The following ADAMTS2 variants were observed in gnomAD, a reference collection of about 807,000 sequenced individuals.
The protein encoded by ADAMTS2 is A disintegrin and metalloproteinase with thrombospondin motifs 2.
ADAMTS2 carries 50 observed loss-of-function variants against 123.0 expected under a neutral mutation model. The ratio of observed to expected loss-of-function variants is 0.41; its 90% CI spans 0.32 to 0.51. The LOEUF (loss-of-function observed/expected upper bound fraction) is 0.51. Among genes scored for constraint, ADAMTS2 ranks in the 20% least tolerant of loss-of-function variants. The pLI is 0.35. For synonymous variants in ADAMTS2, 678 were observed against 695.4 expected (o/e 0.98, Z 0.39); for missense variants, 1,494 against 1,705.2 (o/e 0.88, Z 2.18).
rs899394488 is a variant in ADAMTS2 at position 179,111,249 on chromosome 5, G to A, written c.*2618C>T. 3 of 152,324 alleles carry A rather than the reference G, an allele frequency of 2.0e-5. No individual in the cohort carries two copies. The highest frequency in any genetic ancestry group is 3.4e-3 in the Middle Eastern group (1 of 294). The allele number at this position is 152,324 out of a possible 1,614,324, so 9.4% of individuals were successfully genotyped here. A position where few individuals can be genotyped will look rare whatever the true frequency, so the allele number is the denominator to read the frequency against. On this transcript the variant is annotated 3_prime_UTR_variant, in exon 22 of 22. Coordinates refer to ENST00000251582, the MANE Select transcript of ADAMTS2 (RefSeq NM_014244.5). ...ACTGTTGCAGATTTTCTAGTGCAGC[G>A]GAAGGTCTGAGTCTCATCATGCGGT...
chr5:179,328,253 C>T (rs1361626117), intron 2 of ADAMTS2, among the ~76,000 whole-genome samples: 3 of 152,182 alleles, frequency 2.0e-5, no homozygotes, highest in Non-Finnish European at 2.9e-5. Flanking sequence ...AGGATGGTCT[C>T]GATTTCCTGA....
chr5:179,345,172 G>C lies in ADAMTS2; in HGVS notation c.139+18C>G, dbSNP rs2127463832. 2 of 1,097,574 alleles carry C rather than the reference G, an allele frequency of 1.8e-6. No individual in the cohort carries two copies. The highest frequency in any genetic ancestry group is 3.3e-5 in the African/African-American group (2 of 59,818). The allele number at this position is 1,097,574 out of a possible 1,614,324, so 68.0% of individuals were successfully genotyped here. ...GGCCGGCGGGGGTCCCGGGGAGTAG[G>C]GGCCGGGCCGCACCTACCTGGGGGG... On this transcript the variant is annotated intron_variant, in intron 1 of 21. Coordinates refer to ENST00000251582, the MANE Select transcript of ADAMTS2 (RefSeq NM_014244.5). This position sits in a 1 kb window ranked among gnomAD's most constrained non-coding sequence, Gnocchi z 7.5.
At chr5:179,296,658 C>T (rs1756343699) in intron 2 of ADAMTS2, among the ~76,000 whole-genome samples, 2 of 151,996 alleles carry the variant, frequency 1.3e-5, no homozygotes, top group African/African-American at 4.8e-5. Context: ...CCAGGGGCGG[C>T]CTGGGCAGAG....
In ADAMTS2 at chr5:179,314,064, G is replaced by A. The variant is rs576957283; in HGVS notation, c.534+29703C>T. Among the ~76,000 whole-genome samples the A allele has an allele frequency of 1.2e-3, 184 of 152,194 alleles. 3 individuals carry two copies. In the South Asian group the frequency reaches 0.016, roughly 13 times the overall value. On this transcript the variant is annotated intron_variant, in intron 2 of 21. Transcript: ENST00000251582. This position sits in a 1 kb window ranked among gnomAD's most constrained non-coding sequence, Gnocchi z 4.5. The stretch of plus-strand genomic sequence containing the variant: ...CAGGCAGAACCTGATGGTGGGGCGG[G>A]GGGGTTCCTCACACACCCCACACCC...
In ADAMTS2 at chr5:179,116,731, T is replaced by TAGC. The variant is rs1301872784; in HGVS notation, c.3179-2408_3179-2407insGCT. ...AAATTTTGAATCTGAAAATGGCAAT[T>TAGC]TCCAGGCAAGAAGAATGCAGGGAGG... On this transcript the variant is annotated intron_variant, in intron 21 of 21. Coordinates refer to ENST00000251582, the MANE Select transcript of ADAMTS2 (RefSeq NM_014244.5). 8.4e-3 allele frequency among the ~76,000 whole-genome samples: 1,274 copies of TAGC among 152,260 alleles called. 14 individuals are homozygous for TAGC. Among genetic ancestry groups the TAGC allele is most frequent in the African/African-American group, 0.029 (1,208 of 41,554 alleles).
At chr5:179,141,308 TAATC>T (rs1371424390) in intron 10 of ADAMTS2, among the ~76,000 whole-genome samples, 1 of 152,214 alleles carries the variant, frequency 6.6e-6, no homozygotes, top group African/African-American at 2.4e-5. Flanking sequence ...CTGTTGCAAT[TAATC>T]AATTCTGCCA....
intron 2 of ADAMTS2, among the ~76,000 whole-genome samples, chr5:179,328,795 A>C (rs1443928394): frequency 6.6e-6 from 1 of 152,214 alleles, no homozygotes; most frequent in Non-Finnish European, 1.5e-5. Flanking sequence ...TCTCTTAGTA[A>C]TAAACCTACT....
chr5:179,256,356 C>T lies in ADAMTS2; in HGVS notation c.688+16555G>A, dbSNP rs1317670465. Among the ~76,000 whole-genome samples the T allele has an allele frequency of 6.6e-6, 1 of 152,160 alleles. No individual in the cohort carries two copies. Among genetic ancestry groups the T allele is most frequent in the East Asian group, 1.9e-4 (1 of 5,188 alleles). On this transcript the variant is annotated intron_variant, in intron 3 of 21. Transcript: ENST00000251582. This position sits in a 1 kb window ranked among gnomAD's most constrained non-coding sequence, Gnocchi z 4.1. ...CCATGGAGCTTTGGGCCTGAGGCCT[C>T]AGCTGAGGCCAAGGCAGCAGGACTC...
chr5:179,204,041 C>CTGCA (rs1184794278), intron 4 of ADAMTS2, among the ~76,000 whole-genome samples: 1 of 152,238 alleles, frequency 6.6e-6, no homozygotes, highest in Non-Finnish European at 1.5e-5. Flanking sequence ...CTTACACATG[C>CTGCA]TGCAATGTGG....
At chr5:179,318,167 ACT>A (rs1159419926) in intron 2 of ADAMTS2, among the ~76,000 whole-genome samples, 1 of 151,984 alleles carries the variant, frequency 6.6e-6, no homozygotes, top group Non-Finnish European at 1.5e-5. Flanking sequence ...TCTCATGGAG[ACT>A]CTGAGCTGAG....
chr5:179,190,766 C>T (rs967583617), intron 4 of ADAMTS2, among the ~76,000 whole-genome samples: 6 of 152,256 alleles, frequency 3.9e-5, no homozygotes, highest in African/African-American at 1.4e-4. Context: ...GAGGGTCCAA[C>T]AGCCCAAGCT....
At chr5:179,302,639 C>T (rs1002378266) in intron 2 of ADAMTS2, among the ~76,000 whole-genome samples, 1 of 151,474 alleles carries the variant, frequency 6.6e-6, no homozygotes, top group African/African-American at 2.4e-5. Flanking sequence ...TGCTATCTCC[C>T]GGGGGGGCAA....
chr5:179,259,257 A>G (rs993419388), intron 3 of ADAMTS2, among the ~76,000 whole-genome samples: 6 of 150,892 alleles, frequency 4.0e-5, no homozygotes, highest in Non-Finnish European at 7.4e-5. Context: ...TGCAACCCAC[A>G]CTCCAGGCCT....
chr5:179,292,839 C>G (rs1164427661), intron 2 of ADAMTS2, among the ~76,000 whole-genome samples: 2 of 152,188 alleles, frequency 1.3e-5, no homozygotes, highest in Admixed American at 6.5e-5. Context: ...CTGGCTGGGG[C>G]CCTCCAAGGT....
At position 179,155,606 on chromosome 5, in the gene ADAMTS2, G is replaced by T. The variant is rs1288789808; in HGVS notation, c.1133-687C>A. On this transcript the variant is annotated intron_variant, in intron 6 of 21. Transcript: ENST00000251582. This position sits in a 1 kb window ranked among gnomAD's most constrained non-coding sequence, Gnocchi z 5.1. ...CTACGACAGCCCAGGGCCAGGGGGA[G>T]GGTGGCAGAAGTTCATGACGCAGAG... is the stretch of plus-strand genomic sequence containing the variant. Among the ~76,000 whole-genome samples the T allele has an allele frequency of 6.6e-6, 1 of 152,216 alleles. No individual in the cohort carries two copies. Among genetic ancestry groups the T allele is most frequent in the African/African-American group, 2.4e-5 (1 of 41,462 alleles).
intron 5 of ADAMTS2, among the ~76,000 whole-genome samples, chr5:179,164,547 C>T (rs759685126): frequency 1.3e-5 from 2 of 152,112 alleles, no homozygotes; most frequent in Admixed American, 6.5e-5. Flanking sequence ...GAAGAGGCGG[C>T]GCGGGAAGGG....
Position 179,312,858 on chromosome 5 carries a change from C to G in ADAMTS2, c.534+30909G>C, listed in dbSNP as rs76158530. Among the ~76,000 whole-genome samples, 5 of 152,232 alleles carry G rather than the reference C, an allele frequency of 3.3e-5. No individual in the cohort carries two copies. Among genetic ancestry groups the G allele is most frequent in the Non-Finnish European group, 7.3e-5 (5 of 68,048 alleles). On this transcript the variant is annotated intron_variant, in intron 2 of 21. Transcript: ENST00000251582. This position sits in a 1 kb window ranked among gnomAD's most constrained non-coding sequence, Gnocchi z 4.2. ...TGAAACTGATTTCAGCCTCCAGAACCGTGAGAGGATACAATTCTAATGTTT... is the reference window on the plus strand; with the variant it reads ...TGAAACTGATTTCAGCCTCCAGAACGGTGAGAGGATACAATTCTAATGTTT...
intron 1 of ADAMTS2, among the ~76,000 whole-genome samples, chr5:179,344,707 C>A (rs1757889888): frequency 6.6e-6 from 1 of 152,230 alleles, no homozygotes; most frequent in African/African-American, 2.4e-5. Flanking sequence ...CTGCCGGCCC[C>A]GTCTCCCCGA....
intron 2 of ADAMTS2, among the ~76,000 whole-genome samples, chr5:179,311,218 G>A (rs1756825137): frequency 6.6e-6 from 1 of 152,186 alleles, no homozygotes; most frequent in African/African-American, 2.4e-5. Context: ...CTCTCCCCCA[G>A]GGCCTGGCGC....
Sources: allele counts gnomAD v4.1 joint callset (sites outside exome capture counted in the v4.1 genomes callset), GRCh38; gene constraint gnomAD v4.1.1; non-coding constraint Gnocchi (gnomAD v3.1); transcripts MANE v1.5; gene names NCBI Gene and HGNC (gene_info 2026-07-23, HGNC 2026-07-21).